LIMS1: variants seen among roughly 807,000 people sequenced by gnomAD.
The protein encoded by LIMS1 is LIM zinc finger domain containing 1, also known as LIM and senescent cell antigen-like-containing domain protein 1.
A neutral mutation model predicts 44.1 loss-of-function variants in LIMS1; 18 were observed. The ratio of observed to expected loss-of-function variants is 0.41; its 90% confidence interval spans 0.28 to 0.61. The LOEUF (loss-of-function observed/expected upper bound fraction) is 0.61, where lower values mean the gene tolerates loss of function less well. Among genes scored for constraint, LIMS1 ranks in the 20% least tolerant of loss-of-function variants. The probability of loss-of-function intolerance (pLI) is 0.32; values close to 1 mark genes in which losing one functional copy is unlikely to be tolerated. For missense variants in LIMS1, 201 were observed against 422.0 expected, an observed-to-expected ratio of 0.48 and a Z score of 4.59; for synonymous variants, 93 against 149.1, an observed-to-expected ratio of 0.62 and a Z score of 2.74.
chr2:108,602,546 T>C (rs1276416505), intron 1 of LIMS1, among the ~76,000 whole-genome samples: 1 of 152,230 alleles, frequency 6.6e-6, no homozygotes, highest in African/African-American at 2.4e-5. Flanking sequence ...TCAGTTGAAA[T>C]GATCATAAGG....
chr2:108,601,140 A>C (rs1430262024), intron 1 of LIMS1, among the ~76,000 whole-genome samples: 1 of 152,184 alleles, frequency 6.6e-6, no homozygotes, highest in Non-Finnish European at 1.5e-5. Flanking sequence ...ACACACACAC[A>C]ATACCTTTAA....
chr2:108,606,290 G>A (rs1687262960), intron 1 of LIMS1, among the ~76,000 whole-genome samples: 1 of 152,170 alleles, frequency 6.6e-6, no homozygotes, highest in Admixed American at 6.5e-5. Flanking sequence ...GTCTACCTTA[G>A]GGTGCTGACA....
exon 1 of LIMS1, chr2:108,534,546 C>A (rs1258837094): frequency 3.3e-6 from 4 of 1,205,766 alleles, no homozygotes; most frequent in Non-Finnish European, 1.0e-6. Flanking sequence ...GAGACGGCGG[C>A]GGCCGAAAGC....
intron 1 of LIMS1, among the ~76,000 whole-genome samples, chr2:108,601,797 G>A (rs1687032816): frequency 6.6e-6 from 1 of 152,258 alleles, no homozygotes; most frequent in African/African-American, 2.4e-5. Context: ...GATTATAGGT[G>A]TGAGCCACTG....
chr2:108,585,702 CAA>C (rs1310872678), intron 1 of LIMS1, among the ~76,000 whole-genome samples: 1 of 151,910 alleles, frequency 6.6e-6, no homozygotes, highest in African/African-American at 2.4e-5. Context: ...GATGGGATGA[CAA>C]GAGGGATAAA....
chr2:108,667,379 G>A (rs2438270), intron 2 of LIMS1, among the ~76,000 whole-genome samples: 15 of 152,068 alleles, frequency 9.9e-5, no homozygotes, highest in Admixed American at 2.0e-4. Flanking sequence ...CTTGCCCAAG[G>A]CCACACAATG....
chr2:108,534,283 GC>G (rs199762232), upstream of LIMS1: 858 of 58,390 alleles, frequency 0.015, 6 homozygotes, highest in African/African-American at 0.052. Flanking sequence ...GCAACGCCCC[GC>G]CCCCCCGCGC....
intron 2 of LIMS1, among the ~76,000 whole-genome samples, chr2:108,663,658 A>T (rs1304028361): frequency 1.3e-5 from 2 of 151,868 alleles, no homozygotes; most frequent in Non-Finnish European, 2.9e-5. Context: ...GGTGCTTCAC[A>T]TTTCTCTCTC....
At chr2:108,661,903 T>C (rs1374679898) in intron 2 of LIMS1, among the ~76,000 whole-genome samples, 1 of 152,134 alleles carries the variant, frequency 6.6e-6, no homozygotes. Flanking sequence ...TCTCCTGTAG[T>C]CCAGAGAGGT....
intron 1 of LIMS1, among the ~76,000 whole-genome samples, chr2:108,561,612 G>T (rs532212668): frequency 8.5e-5 from 13 of 152,240 alleles, no homozygotes; most frequent in Admixed American, 3.9e-4. Context: ...AAGCAAGTCT[G>T]TTGGTGCCAT....
intron 1 of LIMS1, chr2:108,607,174 G>A: frequency 6.5e-7 from 1 of 1,548,684 alleles, no homozygotes; most frequent in South Asian, 1.2e-5. Flanking sequence ...GACACAGTGA[G>A]AGGGTGCCAT....
At chr2:108,552,587 T>TGG (rs1684793178) in intron 1 of LIMS1, among the ~76,000 whole-genome samples, 1 of 94,762 alleles carries the variant, frequency 1.1e-5, no homozygotes, top group African/African-American at 4.1e-5. Context: ...ATATTTTGGG[T>TGG]GTGTGTGTGT....
At chr2:108,660,639 C>G (rs1691295136) in intron 2 of LIMS1, 1 of 270,150 alleles carries the variant, frequency 3.7e-6, no homozygotes, top group Non-Finnish European at 7.3e-6. Flanking sequence ...CTATGTTGCC[C>G]AGGCTGGTCT....
intron 1 of LIMS1, among the ~76,000 whole-genome samples, chr2:108,610,396 T>A (rs2104751687): frequency 6.6e-6 from 1 of 152,160 alleles, no homozygotes; most frequent in East Asian, 1.9e-4. Flanking sequence ...ATCCTTATAC[T>A]CATCACCCAC....
chr2:108,610,374 A>G (rs760177676), intron 1 of LIMS1, among the ~76,000 whole-genome samples: 1 of 152,074 alleles, frequency 6.6e-6, no homozygotes, highest in Non-Finnish European at 1.5e-5. Flanking sequence ...TAATATAAAA[A>G]TAGAAGAAAC....
intron 1 of LIMS1, among the ~76,000 whole-genome samples, chr2:108,615,280 A>G (rs982821535): frequency 1.3e-5 from 2 of 152,146 alleles, no homozygotes; most frequent in East Asian, 1.9e-4. Flanking sequence ...AAATTATTCT[A>G]TGTGCTAAAG....
chr2:108,588,302 G>C (rs1686204441), intron 1 of LIMS1: 1 of 984,586 alleles, frequency 1.0e-6, no homozygotes. Flanking sequence ...GGTTTCATTG[G>C]CTCAAATATA....
Position 108,540,092 on chromosome 2 carries a change from GA to G in LIMS1, c.32+5508del, listed in dbSNP as rs1164871603. Among the ~76,000 whole-genome samples, 217 of 142,272 alleles carry G rather than the reference GA, an allele frequency of 1.5e-3. 2 individuals carry two copies. The highest frequency in any genetic ancestry group is 5.1e-3 in the African/African-American group (198 of 38,966). 93.3% of individuals were successfully genotyped at this position (142,272 alleles called of 152,430 possible). On this transcript the variant is annotated intron_variant, in intron 1 of 9. Coordinates refer to ENST00000544547, the Ensembl canonical transcript of LIMS1. Reference sequence around the variant, plus strand: ...ACTGTAAACTTATTCCAACTGGCTTGAAAAAAAAAATCTATGCACATACTAA... The same window carrying G: ...ACTGTAAACTTATTCCAACTGGCTTGAAAAAAAAATCTATGCACATACTAA...
chr2:108,654,546 G>T (rs1690715436), intron 1 of LIMS1, among the ~76,000 whole-genome samples: 1 of 151,982 alleles, frequency 6.6e-6, no homozygotes, highest in Admixed American at 6.6e-5. Flanking sequence ...GGCCAGGGTT[G>T]TGGAAGCCCA....
Sources: gnomAD v4.1 joint callset for allele counts (sites outside exome capture counted in the v4.1 genomes callset) on GRCh38, gnomAD v4.1.1 for gene constraint, MANE v1.5 for transcripts, NCBI Gene and HGNC (gene_info 2026-07-23, HGNC 2026-07-21) for gene names.